SYT6: variants seen among roughly 807,000 people sequenced by gnomAD.
SYT6 encodes synaptotagmin-6.
Under a neutral mutation model 38.4 loss-of-function variants are expected in SYT6, and 24 were observed. The observed-to-expected ratio is 0.62, with a 90% CI of 0.45 to 0.88. SYT6 has a LOEUF of 0.88. Among genes scored for constraint, SYT6 ranks in the 40% least tolerant of loss-of-function variants. SYT6 has a pLI of 0.00. For synonymous variants in SYT6, 265 were observed against 241.9 expected (o/e 1.10, Z -0.89); for missense variants, 611 against 621.0 (o/e 0.98, Z 0.17).
chr1:114,124,657 G>A (rs772919079), intron 3 of SYT6, among the ~76,000 whole-genome samples: 15 of 152,302 alleles, frequency 9.8e-5, no homozygotes, highest in Non-Finnish European at 1.3e-4. Flanking sequence ...AAGAGCCATC[G>A]GAGACCAAGA....
At chr1:114,109,736 T>C (rs762237270) in intron 3 of SYT6, among the ~76,000 whole-genome samples, 1 of 152,114 alleles carries the variant, frequency 6.6e-6, no homozygotes, top group African/African-American at 2.4e-5. Context: ...TTTGGTTTGG[T>C]CGGTGCAGTA....
In SYT6 at chr1:114,091,355, A is replaced by G. The variant is rs921898471; in HGVS notation, c.*779T>C. ...TCCTAAAGAAAGTGACTAAGTTCCC[A>G]TGAGGAATCAAGACGTTTTCAATTC... On this transcript the variant is annotated 3_prime_UTR_variant, in exon 8 of 8. Transcript: ENST00000610222. 11 of 152,488 alleles carry G rather than the reference A, an allele frequency of 7.2e-5. No individual in the cohort carries two copies. The highest frequency in any genetic ancestry group is 1.2e-4 in the Non-Finnish European group (8 of 68,050). 9.4% of individuals were successfully genotyped at this position (152,488 alleles called of 1,614,324 possible). A position where few individuals can be genotyped will look rare whatever the true frequency, so the allele number is the denominator to read the frequency against.
chr1:114,132,018 A>C (rs1238576673), intron 3 of SYT6, among the ~76,000 whole-genome samples: 1 of 152,246 alleles, frequency 6.6e-6, no homozygotes, highest in African/African-American at 2.4e-5. Flanking sequence ...CATGAGTTCA[A>C]ATCTTGGCTT....
intron 3 of SYT6, among the ~76,000 whole-genome samples, chr1:114,122,517 G>C (rs1056072841): frequency 2.0e-5 from 3 of 151,678 alleles, no homozygotes; most frequent in Admixed American, 6.6e-5. Flanking sequence ...GCGCGCACAT[G>C]AGCATATGCA....
chr1:114,145,988 G>A (rs1284865053), intron 1 of SYT6, among the ~76,000 whole-genome samples: 3 of 152,158 alleles, frequency 2.0e-5, no homozygotes, highest in South Asian at 2.1e-4. Context: ...TCAGAGCTGT[G>A]ATTAGGGGAG....
intron 6 of SYT6, among the ~76,000 whole-genome samples, chr1:114,097,173 A>G (rs1237941456): frequency 6.6e-6 from 1 of 152,212 alleles, no homozygotes; most frequent in Non-Finnish European, 1.5e-5. Context: ...AACCCAACGC[A>G]ACCCAGCTCC....
In SYT6 at chr1:114,103,724, G is replaced by A. The variant is rs1676101750; in HGVS notation, c.1072-3C>T. 1 of 1,612,650 alleles carries A rather than the reference G, an allele frequency of 6.2e-7. No individual in the cohort carries two copies. The highest frequency in any genetic ancestry group is 1.7e-5 in the Admixed American group (1 of 59,866). ...ATCTCTCCCAAGTCCACGCTTTCCT[G>A]CAAAGAAGCACACAAGAGGGCAGAT... On this transcript the variant is annotated splice_region_variant and splice_polypyrimidine_tract_variant and intron_variant, in intron 3 of 7. Coordinates refer to ENST00000610222, the MANE Select transcript of SYT6 (RefSeq NM_001253772.2).
intron 1 of SYT6, among the ~76,000 whole-genome samples, chr1:114,144,713 C>A (rs1679066564): frequency 1.3e-5 from 2 of 152,044 alleles, no homozygotes; most frequent in Admixed American, 6.6e-5. Flanking sequence ...ATGCCCAGTC[C>A]CCTGCTAAGG....
At chr1:114,113,057 C>A (rs1299245720) in intron 3 of SYT6, among the ~76,000 whole-genome samples, 1 of 152,194 alleles carries the variant, frequency 6.6e-6, no homozygotes, top group Non-Finnish European at 1.5e-5. Context: ...AAGGCACAGG[C>A]CTGCACTGCG....
At chr1:114,137,090 A>G (rs527835737) in intron 3 of SYT6, among the ~76,000 whole-genome samples, 45 of 152,346 alleles carry the variant, frequency 3.0e-4, no homozygotes, top group African/African-American at 9.9e-4. Context: ...AAACATGAAC[A>G]AGGCATAAAC....
At chr1:114,132,265 T>C (rs1678203526) in intron 3 of SYT6, among the ~76,000 whole-genome samples, 1 of 152,098 alleles carries the variant, frequency 6.6e-6, no homozygotes, top group South Asian at 2.1e-4. Flanking sequence ...ATGTGGCTCA[T>C]GGGAAAAAGA....
At chr1:114,099,912 C>T (rs993395051) in intron 4 of SYT6, among the ~76,000 whole-genome samples, 1 of 152,112 alleles carries the variant, frequency 6.6e-6, no homozygotes, top group Admixed American at 6.5e-5. Context: ...CTCTGCTTCC[C>T]TGGAAGCCAT....
At chr1:114,139,403 C>G (rs565153503) in intron 2 of SYT6, among the ~76,000 whole-genome samples, 1 of 152,320 alleles carries the variant, frequency 6.6e-6, no homozygotes, top group Non-Finnish European at 1.5e-5. Context: ...TATACAGCAA[C>G]CCGCCTCAAA....
chr1:114,146,492 A>G lies in SYT6; in HGVS notation c.164-6529T>C, dbSNP rs1044900526. Among the ~76,000 whole-genome samples, 51 of 152,154 alleles carry G rather than the reference A, an allele frequency of 3.4e-4. 5 individuals carry two copies. On this transcript the variant is annotated intron_variant, in intron 1 of 7. Transcript: ENST00000610222. ...AAATAGCCTTCAAAACCCTTTTCCCATTCACATCTTGTTTGAACTTTGACC... is the reference window on the plus strand; with the variant it reads ...AAATAGCCTTCAAAACCCTTTTCCCGTTCACATCTTGTTTGAACTTTGACC...
At chr1:114,137,293 A>G (rs541184273) in intron 3 of SYT6, among the ~76,000 whole-genome samples, 33 of 152,310 alleles carry the variant, frequency 2.2e-4, no homozygotes, top group Middle Eastern at 3.4e-3. Context: ...CTTCCTAGCT[A>G]CATGGGGACT....
intron 1 of SYT6, among the ~76,000 whole-genome samples, chr1:114,147,300 A>C (rs969111318): frequency 6.6e-6 from 1 of 152,264 alleles, no homozygotes; most frequent in Non-Finnish European, 1.5e-5. Flanking sequence ...ATGAATTCCA[A>C]AGAAGTAAGA....
chr1:114,128,708 C>T (rs577986702), intron 3 of SYT6, among the ~76,000 whole-genome samples: 2 of 152,226 alleles, frequency 1.3e-5, no homozygotes, highest in African/African-American at 2.4e-5. Flanking sequence ...AGCCTTACCC[C>T]CATCCTCTGG....
chr1:114,145,475 CA>C (rs1214452590), intron 1 of SYT6, among the ~76,000 whole-genome samples: 3 of 137,484 alleles, frequency 2.2e-5, no homozygotes, highest in Non-Finnish European at 3.1e-5. Flanking sequence ...AACTTGGGAA[CA>C]AAAAAACATA....
rs2101624410 is a variant in SYT6 at position 114,097,820 on chromosome 1, C to T, written c.1422G>A (p.Leu474=). ...GCATCTCGTTCCAGTGGTCCCTGCC[C>T]AGGCCTTCAGCAGTGATCCCCACAC... is the stretch of plus-strand genomic sequence containing the variant. The part of the protein sequence containing the change: ...VCRVGITAEG[L]GRDHWNEMLA... The change falls in exon 6 of 8, where the codon CTG becomes CTA. Residue 474 remains leucine (L), a synonymous_variant. Coordinates refer to ENST00000610222, the MANE Select transcript of SYT6 (RefSeq NM_001253772.2). The T allele has an allele frequency of 1.9e-6, 3 of 1,614,232 alleles. No individual in the cohort carries two copies. In the East Asian group the frequency reaches 6.7e-5, roughly 36 times the overall value.
Sources: gnomAD v4.1 joint callset for allele counts (sites outside exome capture counted in the v4.1 genomes callset) on GRCh38, gnomAD v4.1.1 for gene constraint, MANE v1.5 for transcripts, NCBI Gene and HGNC (gene_info 2026-07-23, HGNC 2026-07-21) for gene names.